ETV3L: variants seen among roughly 807,000 people sequenced by gnomAD.
ETV3L encodes the protein ETS translocation variant 3-like protein.
A neutral mutation model predicts 27.6 loss-of-function variants in ETV3L; 30 were observed. The observed-to-expected ratio is 1.09, with a 90% CI of 0.81 to 1.48. The LOEUF is 1.48. ETV3L is among the 40% of genes most tolerant of loss of function. ETV3L has a pLI of 0.00. For missense variants in ETV3L, 443 were observed against 455.6 expected, an observed-to-expected ratio of 0.97 and a Z score of 0.25; for synonymous variants, 186 against 188.9, an observed-to-expected ratio of 0.98 and a Z score of 0.12.
At position 157,097,875 on chromosome 1, in the gene ETV3L, G is replaced by A. The variant is rs571632854; in HGVS notation, c.600C>T (p.Ser200=). The A allele has an allele frequency of 4.7e-5, 75 of 1,612,798 alleles. No individual in the cohort carries two copies. The East Asian group carries it at 6.5e-4, about 14-fold the overall frequency. ...TSGDKKGSSS[S]VYRLGSAPGP... ...CCAGCCTTGAGCACTCACGGTAGAC[G>A]CTGCTGCTGCTCCCCTTCTTATCCC... The change falls in exon 4 of 5, where the codon AGC becomes AGT. Residue 200 remains serine (S), a synonymous_variant. Coordinates refer to ENST00000454449, the MANE Select transcript of ETV3L (RefSeq NM_001004341.2).
chr1:157,098,449 C>G (rs1674275329), intron 3 of ETV3L, among the ~76,000 whole-genome samples: 1 of 152,142 alleles, frequency 6.6e-6, no homozygotes, highest in South Asian at 2.1e-4. Flanking sequence ...GTCTCAGATG[C>G]CCTGGGCCCT....
At position 157,099,615 on chromosome 1, in the gene ETV3L, G is replaced by T; in HGVS notation, c.-92C>A. On this transcript the variant is annotated 5_prime_UTR_variant, in exon 1 of 5. In the 5' UTR this introduces an upstream ATG that the reference lacks. Coordinates refer to ENST00000454449, the MANE Select transcript of ETV3L (RefSeq NM_001004341.2). ...AAGGAAGGAGGCAGAGGGGAGGACA[G>T]TGAAAGAGGAAGGAAAAATGGAGGG... The T allele has an allele frequency of 9.2e-7, 1 of 1,085,992 alleles. No homozygotes were observed. Among genetic ancestry groups the T allele is most frequent in the Non-Finnish European group, 1.4e-6 (1 of 733,136 alleles). 67.3% of individuals were successfully genotyped at this position (1,085,992 alleles called of 1,614,324 possible). A position where few individuals can be genotyped will look rare whatever the true frequency, so the allele number is the denominator to read the frequency against.
Position 157,099,777 on chromosome 1 carries a change from G to A in ETV3L, c.-254C>T, listed in dbSNP as rs1283993427. On this transcript the variant is annotated 5_prime_UTR_variant, in exon 1 of 5. Transcript: ENST00000454449. ...CCAGACAGGGCCCAGCCCCCTCTGG[G>A]GACCTCCCCGCTGCCCAGGGCTGAC... The A allele has an allele frequency of 8.6e-6, 5 of 581,230 alleles. No individual in the cohort carries two copies. The African/African-American group carries it at 9.4e-5, about 11-fold the overall frequency. 36.0% of individuals were successfully genotyped at this position (581,230 alleles called of 1,614,324 possible).
chr1:157,099,636 G>T lies in ETV3L; in HGVS notation c.-113C>A. ...GACAGTGAAAGAGGAAGGAAAAATG[G>T]AGGGAAAGAAGGAAGGAAGGGAGAG... On this transcript the variant is annotated 5_prime_UTR_variant, in exon 1 of 5. Coordinates refer to ENST00000454449, the MANE Select transcript of ETV3L (RefSeq NM_001004341.2). 1.1e-6 allele frequency: 1 copy of T among 879,362 alleles called. No homozygotes were observed. The highest frequency in any genetic ancestry group is 1.8e-6 in the Non-Finnish European group (1 of 552,236). 54.5% of individuals were successfully genotyped at this position (879,362 alleles called of 1,614,324 possible). A position where few individuals can be genotyped will look rare whatever the true frequency, so the allele number is the denominator to read the frequency against.
In ETV3L at chr1:157,092,926, A is replaced by G. The variant is rs371746787; in HGVS notation, c.809T>C (p.Leu270Pro). 6.2e-7 allele frequency: 1 copy of G among 1,613,930 alleles called. No individual in the cohort carries two copies. Among genetic ancestry groups the G allele is most frequent in the Non-Finnish European group, 8.5e-7 (1 of 1,179,966 alleles). The part of the protein sequence containing the change: ...QLPGAFKPDI[L>P]LPGPRSLPGA... ...TGGGAGGCTCCTAGGTCCTGGGAGC[A>G]GGATGTCTGGCTTAAAAGCCCCTGG... Residue 270 changes from leucine (L) to proline (P), a missense_variant, in exon 5 of 5, where the codon CTG (leucine) becomes CCG (proline). Physicochemically the swap from Leu to Pro is moderately conservative, Grantham distance 98. Transcript: ENST00000454449.
chr1:157,097,534 C>A (rs930898025), intron 4 of ETV3L, among the ~76,000 whole-genome samples: 1 of 151,814 alleles, frequency 6.6e-6, no homozygotes, highest in Admixed American at 6.6e-5. Flanking sequence ...TCTTTTCCCA[C>A]CTCCTTCACC....
chr1:157,096,826 T>G (rs986337023), intron 4 of ETV3L, among the ~76,000 whole-genome samples: 11 of 152,048 alleles, frequency 7.2e-5, no homozygotes, highest in Non-Finnish European at 1.3e-4. Context: ...GGCTGAGGCA[T>G]GAGAATCGCT....
rs1170670551 is a variant in ETV3L, at chr1:157,092,324, C to A, written c.*325G>T. On this transcript the variant is annotated 3_prime_UTR_variant, in exon 5 of 5. Coordinates refer to ENST00000454449, the MANE Select transcript of ETV3L (RefSeq NM_001004341.2). ...ACCCCTGTCCTCTCCCCAGGCTAGA[C>A]CCTTAATTTTCCCCCTTATGTGGGC... The A allele has an allele frequency of 3.7e-6, 1 of 267,274 alleles. No individual in the cohort carries two copies. Among genetic ancestry groups the A allele is most frequent in the Non-Finnish European group, 7.1e-6 (1 of 141,122 alleles). The allele number at this position is 267,274 out of a possible 1,614,324, so 16.6% of individuals were successfully genotyped here. A position where few individuals can be genotyped will look rare whatever the true frequency, so the allele number is the denominator to read the frequency against.
At chr1:157,097,847 C>T in intron 4 of ETV3L, 21 bp downstream of exon 4, 2 of 1,611,942 alleles carry the variant, frequency 1.2e-6, no homozygotes, top group Non-Finnish European at 1.7e-6. Context: ...CCCCTGGGCC[C>T]TCCCAGCCTT....
Position 157,093,028 on chromosome 1 carries a change from A to C in ETV3L, c.707T>G (p.Leu236Arg). 6.3e-7 allele frequency: 1 copy of C among 1,593,926 alleles called. No individual in the cohort carries two copies. Among genetic ancestry groups the C allele is most frequent in the East Asian group, 2.2e-5 (1 of 44,460 alleles). Residue 236 changes from leucine to arginine, a missense_variant, in exon 5 of 5, where the codon CTC becomes CGC. Leu to Arg is a moderately radical substitution (Grantham distance 102). Transcript: ENST00000454449. The stretch of plus-strand genomic sequence containing the variant: ...CCAGTTGGAGGGCAGAGGGGGCGGG[A>C]GGGGAGGAGTGAAGGAGGCAACACC... ...LPGVASFTPP[L>R]PPPLPSNWTC...
rs1674145306 is a variant in ETV3L, at chr1:157,092,952, G to C, written c.783C>G (p.Leu261=). The C allele has an allele frequency of 6.2e-7, 1 of 1,614,068 alleles. No homozygotes were observed. Among genetic ancestry groups the C allele is most frequent in the African/African-American group, 1.3e-5 (1 of 75,066 alleles). The change falls in exon 5 of 5, where the codon CTC becomes CTG. Residue 261 remains leucine (L), a synonymous_variant. Coordinates refer to ENST00000454449, the MANE Select transcript of ETV3L (RefSeq NM_001004341.2). ...FLPPLPSEQQ[L]PGAFKPDILL... ...GGATGTCTGGCTTAAAAGCCCCTGG[G>C]AGCTGCTGCTCTGACGGGAGAGGAG...
At chr1:157,094,124 C>T (rs1336012181) in intron 4 of ETV3L, among the ~76,000 whole-genome samples, 1 of 152,220 alleles carries the variant, frequency 6.6e-6, no homozygotes, top group African/African-American at 2.4e-5. Context: ...ATTCTTCACT[C>T]CCTGCCCCTG....
rs2103181052 is a variant in ETV3L at position 157,092,696 on chromosome 1, G to A, written c.1039C>T (p.Pro347Ser). Residue 347 changes from proline (P) to serine (S), a missense_variant, in exon 5 of 5, where the codon CCC (proline) becomes TCC (serine). Physicochemically the swap from Pro to Ser is moderately conservative, Grantham distance 74 (BLOSUM62 -1). Transcript: ENST00000454449. ...ACTGCTTTGAGGTTCTCCAGATTGG[G>A]GGAAGTAAGGCTTTCCTCCCCAGTT... The part of the protein sequence containing the change: ...LKTGEESLTS[P>S]NLENLKAVWP... 2 of 1,613,782 alleles carry A rather than the reference G, an allele frequency of 1.2e-6. No homozygotes were observed. Among genetic ancestry groups the A allele is most frequent in the Non-Finnish European group, 1.7e-6 (2 of 1,179,782 alleles).
intron 3 of ETV3L, 80 bp from the exon 4 acceptor site, chr1:157,098,068 C>T: frequency 2.8e-6 from 4 of 1,450,062 alleles, no homozygotes; most frequent in Non-Finnish European, 3.7e-6. Flanking sequence ...TACTGTTAGC[C>T]AGTTGCTAAA....
Position 157,098,338 on chromosome 1 carries a change from CG to C in ETV3L, c.487-351del, listed in dbSNP as rs367880843. Among the ~76,000 whole-genome samples the C allele has an allele frequency of 2.8e-3, 427 of 152,204 alleles. 1 individual carries two copies. The highest frequency in any genetic ancestry group is 9.8e-3 in the African/African-American group (406 of 41,512). ...CTCGAACTCCTGACCTCAAATGATC[CG>C]TCCACCTCGTCCTCCCAAAGTGCTG... On this transcript the variant is annotated intron_variant, in intron 3 of 4. Coordinates refer to ENST00000454449, the MANE Select transcript of ETV3L (RefSeq NM_001004341.2).
At chr1:157,093,383 C>T (rs753557247) in intron 4 of ETV3L, among the ~76,000 whole-genome samples, 3 of 152,132 alleles carry the variant, frequency 2.0e-5, no homozygotes, top group African/African-American at 4.8e-5. Flanking sequence ...ACTACAGGTG[C>T]GTGTGCCACC....
intron 4 of ETV3L, among the ~76,000 whole-genome samples, chr1:157,096,975 C>T (rs535822645): frequency 6.6e-6 from 1 of 152,146 alleles, no homozygotes; most frequent in Non-Finnish European, 1.5e-5. Context: ...GATCTCCCTC[C>T]CAGTCCCTCC....
In ETV3L at chr1:157,092,504, C is replaced by A; in HGVS notation, c.*145G>T. The A allele has an allele frequency of 1.5e-6, 1 of 686,336 alleles. No individual in the cohort carries two copies. Among genetic ancestry groups the A allele is most frequent in the South Asian group, 2.0e-5 (1 of 50,064 alleles). The allele number at this position is 686,336 out of a possible 1,614,324, so 42.5% of individuals were successfully genotyped here. A position where few individuals can be genotyped will look rare whatever the true frequency, so the allele number is the denominator to read the frequency against. ...CATTCACACCTTCCCTGCAATGCTC[C>A]CCACCTTGGGTCCAACTCCACCCCT... On this transcript the variant is annotated 3_prime_UTR_variant, in exon 5 of 5. Coordinates refer to ENST00000454449, the MANE Select transcript of ETV3L (RefSeq NM_001004341.2).
chr1:157,096,183 G>A (rs757444470), intron 4 of ETV3L, among the ~76,000 whole-genome samples: 2 of 152,068 alleles, frequency 1.3e-5, no homozygotes, highest in African/African-American at 4.8e-5. Flanking sequence ...TGACACTCAC[G>A]TATACTTTGG....
Sources: allele counts gnomAD v4.1 joint callset (sites outside exome capture counted in the v4.1 genomes callset), GRCh38; gene constraint gnomAD v4.1.1; transcripts MANE v1.5; gene names NCBI Gene and HGNC (gene_info 2026-07-23, HGNC 2026-07-21).